Variants in KLF12 observed in about 807,000 individuals in gnomAD.
KLF12 encodes Krueppel-like factor 12.
KLF12 carries 9 observed loss-of-function variants against 37.8 expected under a neutral mutation model. That is an observed-to-expected ratio of 0.24 (90% CI 0.14 to 0.42). The LOEUF (loss-of-function observed/expected upper bound fraction) is 0.42. Ranked by LOEUF, KLF12 falls within the 10% of genes least tolerant of loss-of-function variation. The pLI, the probability that KLF12 is intolerant of heterozygous loss-of-function variation, is 1.00. For synonymous variants in KLF12, 208 were observed against 202.1 expected (o/e 1.03, Z -0.25); for missense variants, 411 against 516.0 (o/e 0.80, Z 1.97).
At chr13:73,823,376 G>C (rs1417398294) in intron 4 of KLF12, among the ~76,000 whole-genome samples, 1 of 152,110 alleles carries the variant, frequency 6.6e-6, no homozygotes, top group Non-Finnish European at 1.5e-5. Context: ...ACCACAGAAG[G>C]GTTCTCTGCT....
chr13:74,186,741 G>T, the KLF12 span, among the ~76,000 whole-genome samples: 1 of 152,140 alleles, frequency 6.6e-6, no homozygotes, highest in East Asian at 1.9e-4. Flanking sequence ...AAGCCATGTA[G>T]TGCTTGCTAT....
chr13:73,810,475 G>A (rs1351519416), intron 5 of KLF12, among the ~76,000 whole-genome samples: 1 of 151,290 alleles, frequency 6.6e-6, no homozygotes, highest in Non-Finnish European at 1.5e-5. Flanking sequence ...TGTTTATTTA[G>A]GCCAGGATGC....
chr13:74,301,514 A>G, the KLF12 span, among the ~76,000 whole-genome samples: 7 of 152,058 alleles, frequency 4.6e-5, no homozygotes, highest in African/African-American at 1.7e-4. Context: ...TTTCTTCGTG[A>G]GTTTTATTAT....
the KLF12 span, among the ~76,000 whole-genome samples, chr13:74,174,253 A>G: frequency 6.6e-6 from 1 of 152,100 alleles, no homozygotes; most frequent in Non-Finnish European, 1.5e-5. Flanking sequence ...TATTGGCTCA[A>G]ATTTATCTGC....
chr13:74,003,232 T>C (rs1892325356), intron 1 of KLF12, among the ~76,000 whole-genome samples: 1 of 152,166 alleles, frequency 6.6e-6, no homozygotes, highest in Non-Finnish European at 1.5e-5. Flanking sequence ...CAGAAGTGCT[T>C]ACACAAAGCT....
chr13:74,254,919 A>T, the KLF12 span, among the ~76,000 whole-genome samples: 3 of 152,154 alleles, frequency 2.0e-5, no homozygotes, highest in Admixed American at 2.0e-4. Flanking sequence ...AGGTGGCCAT[A>T]AATGGACCAT....
chr13:73,721,093 T>C (rs1297472957), intron 6 of KLF12, among the ~76,000 whole-genome samples: 1 of 152,204 alleles, frequency 6.6e-6, no homozygotes. Flanking sequence ...CCGACCTAAA[T>C]GCCTTAAGCT....
the KLF12 span, among the ~76,000 whole-genome samples, chr13:74,305,928 A>G: frequency 1.7e-3 from 262 of 152,198 alleles, 2 homozygotes; most frequent in Non-Finnish European, 2.2e-3. Context: ...GAAACAAATG[A>G]TCTCTCTGCT....
chr13:73,821,438 C>T (rs1175382114), intron 4 of KLF12, among the ~76,000 whole-genome samples: 1 of 152,228 alleles, frequency 6.6e-6, no homozygotes, highest in Admixed American at 6.5e-5. Flanking sequence ...TGAGTTTCAG[C>T]TGAGAGATCC....
At chr13:73,711,882 T>C (rs936894798) in intron 7 of KLF12, among the ~76,000 whole-genome samples, 1 of 152,214 alleles carries the variant, frequency 6.6e-6, no homozygotes, top group African/African-American at 2.4e-5. Context: ...GGATTCACCA[T>C]TCTAGATGCC....
the KLF12 span, among the ~76,000 whole-genome samples, chr13:74,248,290 T>A: frequency 6.6e-6 from 1 of 152,220 alleles, no homozygotes; most frequent in Non-Finnish European, 1.5e-5. Context: ...ATGCTATTGC[T>A]ATGAGGAAAC....
At chr13:73,896,099 T>C (rs1252372448) in intron 3 of KLF12, among the ~76,000 whole-genome samples, 1 of 152,060 alleles carries the variant, frequency 6.6e-6, no homozygotes, top group Non-Finnish European at 1.5e-5. Context: ...GGGATAGAAA[T>C]CACCACAGAA....
intron 4 of KLF12, among the ~76,000 whole-genome samples, chr13:73,819,075 T>C (rs1883388468): frequency 6.6e-6 from 1 of 152,188 alleles, no homozygotes; most frequent in Non-Finnish European, 1.5e-5. Context: ...CTCCAACACA[T>C]TCTATGCAGA....
At chr13:74,006,149 A>G (rs184968103) in intron 1 of KLF12, among the ~76,000 whole-genome samples, 148 of 152,210 alleles carry the variant, frequency 9.7e-4, no homozygotes, top group South Asian at 4.1e-4. Context: ...CCTATTAACT[A>G]TTTTATCCAC....
At chr13:74,206,072 G>A in the KLF12 span, among the ~76,000 whole-genome samples, 1 of 152,020 alleles carries the variant, frequency 6.6e-6, no homozygotes, top group East Asian at 1.9e-4. Context: ...TTTTGGTTAT[G>A]ATCCATTTCA....
intron 3 of KLF12, among the ~76,000 whole-genome samples, chr13:73,864,970 G>A (rs1886100348): frequency 6.6e-6 from 1 of 151,982 alleles, no homozygotes; most frequent in Non-Finnish European, 1.5e-5. Flanking sequence ...TCCAAGTACA[G>A]GTATAAGGAA....
At chr13:73,925,491 A>T (rs911687267) in intron 3 of KLF12, among the ~76,000 whole-genome samples, 5 of 152,224 alleles carry the variant, frequency 3.3e-5, no homozygotes, top group Admixed American at 3.3e-4. Flanking sequence ...AGAACACAAG[A>T]TTCCTTGCAA....
At chr13:74,254,239 T>C in the KLF12 span, among the ~76,000 whole-genome samples, 1 of 152,210 alleles carries the variant, frequency 6.6e-6, no homozygotes, top group African/African-American at 2.4e-5. Context: ...GTGGACTTTC[T>C]TGGTACCAAT....
At chr13:73,710,721 G>A (rs1385981414) in intron 7 of KLF12, among the ~76,000 whole-genome samples, 1 of 119,660 alleles carries the variant, frequency 8.4e-6, no homozygotes, top group African/African-American at 3.8e-5. Context: ...CCCTCTTCTT[G>A]AGCCCCCCTA....
Sources: gnomAD v4.1 joint callset for allele counts (sites outside exome capture counted in the v4.1 genomes callset) on GRCh38, gnomAD v4.1.1 for gene constraint, MANE v1.5 for transcripts, NCBI Gene and HGNC (gene_info 2026-07-23, HGNC 2026-07-21) for gene names.